RNLS: variants seen among roughly 807,000 people sequenced by gnomAD.
The protein encoded by RNLS is renalase.
RNLS carries 39 observed loss-of-function variants against 39.8 expected under a neutral mutation model. The ratio of observed to expected loss-of-function variants is 0.98; its 90% confidence interval spans 0.76 to 1.28. The LOEUF is 1.28. RNLS is among the 50% of genes most tolerant of loss of function. RNLS has a pLI of 0.00. For missense variants in RNLS, 410 were observed against 413.3 expected, an observed-to-expected ratio of 0.99 and a Z score of 0.07; for synonymous variants, 147 against 150.7, an observed-to-expected ratio of 0.98 and a Z score of 0.18.
At chr10:88,432,821 A>G (rs940325662) in intron 4 of RNLS, among the ~76,000 whole-genome samples, 4 of 152,138 alleles carry the variant, frequency 2.6e-5, no homozygotes, top group African/African-American at 7.2e-5. Flanking sequence ...GCAATTAACA[A>G]TCTCTTAAAT....
intron 4 of RNLS, among the ~76,000 whole-genome samples, chr10:88,514,827 C>T (rs1846320904): frequency 6.6e-6 from 1 of 152,052 alleles, no homozygotes. Context: ...GTGAAAAACA[C>T]TGCAATAAAC....
chr10:88,581,267 G>T (rs1237825642), intron 3 of RNLS, among the ~76,000 whole-genome samples: 6 of 139,810 alleles, frequency 4.3e-5, no homozygotes, highest in Non-Finnish European at 1.5e-5. Context: ...TAAATATAAA[G>T]AAATATATAT....
intron 4 of RNLS, among the ~76,000 whole-genome samples, chr10:88,543,812 T>C (rs1848164087): frequency 1.3e-5 from 2 of 152,158 alleles, no homozygotes; most frequent in Admixed American, 6.5e-5. Flanking sequence ...GTAAAATAGG[T>C]CTTGAGATTT....
intron 4 of RNLS, among the ~76,000 whole-genome samples, chr10:88,404,303 T>C (rs545688147): frequency 6.6e-6 from 1 of 152,072 alleles, no homozygotes; most frequent in East Asian, 1.9e-4. Flanking sequence ...CTGCCTCTGT[T>C]CCCAAGAATC....
At chr10:88,534,387 G>A (rs1461169566) in intron 4 of RNLS, among the ~76,000 whole-genome samples, 5 of 151,944 alleles carry the variant, frequency 3.3e-5, no homozygotes, top group Admixed American at 6.6e-5. Context: ...AGACAGCAGA[G>A]GCTTGAAATA....
chr10:88,290,003 T>G (rs79745065), intron 6 of RNLS, among the ~76,000 whole-genome samples: 1 of 152,176 alleles, frequency 6.6e-6, no homozygotes, highest in Non-Finnish European at 1.5e-5. Flanking sequence ...TTCAGCCTAA[T>G]AGTTTCTTTG....
At chr10:88,571,251 G>A (rs1205661961) in intron 4 of RNLS, among the ~76,000 whole-genome samples, 1 of 151,626 alleles carries the variant, frequency 6.6e-6, no homozygotes, top group Admixed American at 6.6e-5. Context: ...CAAAGTGCTG[G>A]GATTATAGGC....
chr10:88,355,223 C>T (rs1424366039), intron 5 of RNLS, among the ~76,000 whole-genome samples: 1 of 152,224 alleles, frequency 6.6e-6, no homozygotes, highest in African/African-American at 2.4e-5. Context: ...TTGTCAAAGT[C>T]ATTCTCTGTC....
chr10:88,308,503 T>A (rs1845106028), intron 6 of RNLS, among the ~76,000 whole-genome samples: 1 of 151,460 alleles, frequency 6.6e-6, no homozygotes. Flanking sequence ...AAAGCAGACA[T>A]ACATATGGCC....
intron 4 of RNLS, among the ~76,000 whole-genome samples, chr10:88,501,574 C>T (rs1845486077): frequency 6.6e-6 from 1 of 152,038 alleles, no homozygotes; most frequent in Admixed American, 6.6e-5. Context: ...CCCATTGCAC[C>T]CCTGAGTTCC....
At chr10:88,366,606 T>C (rs1850118642) in intron 4 of RNLS, among the ~76,000 whole-genome samples, 1 of 121,456 alleles carries the variant, frequency 8.2e-6, no homozygotes, top group South Asian at 2.6e-4. Flanking sequence ...AACCAAAACC[T>C]AAGCTGTTTA....
chr10:88,424,333 G>A (rs571870338), intron 4 of RNLS, among the ~76,000 whole-genome samples: 110 of 152,270 alleles, frequency 7.2e-4, no homozygotes, highest in African/African-American at 2.5e-3. Flanking sequence ...ACTGGATGAA[G>A]CAAGGAAAAA....
At chr10:88,343,624 G>A (rs376169060) in intron 5 of RNLS, 20 of 984,952 alleles carry the variant, frequency 2.0e-5, no homozygotes, top group Middle Eastern at 5.2e-4. Context: ...CCTTGTATTC[G>A]TTCCTTTAAA....
chr10:88,485,655 A>C (rs1300492689), intron 4 of RNLS, among the ~76,000 whole-genome samples: 2 of 151,724 alleles, frequency 1.3e-5, no homozygotes, highest in Non-Finnish European at 3.0e-5. Flanking sequence ...AAAAAAAAAA[A>C]AAAAACGAAT....
At chr10:88,463,334 C>T (rs1338167663) in intron 4 of RNLS, among the ~76,000 whole-genome samples, 2 of 151,978 alleles carry the variant, frequency 1.3e-5, no homozygotes, top group Admixed American at 1.3e-4. Context: ...CTTCTACAAG[C>T]CAAAGAATGC....
the RNLS span, among the ~76,000 whole-genome samples, chr10:88,184,992 T>C: frequency 6.6e-6 from 1 of 152,094 alleles, no homozygotes; most frequent in Non-Finnish European, 1.5e-5. Flanking sequence ...CTTAAGGCAA[T>C]TGAGATAAAG....
the RNLS span, among the ~76,000 whole-genome samples, chr10:88,229,249 T>C: frequency 6.6e-6 from 1 of 152,278 alleles, no homozygotes; most frequent in Non-Finnish European, 1.5e-5. Flanking sequence ...TAAAGAAATG[T>C]ATTATCTCAA....
At chr10:88,568,488 T>C (rs1838273040) in intron 4 of RNLS, among the ~76,000 whole-genome samples, 1 of 152,142 alleles carries the variant, frequency 6.6e-6, no homozygotes, top group Non-Finnish European at 1.5e-5. Flanking sequence ...ATGTGACTTA[T>C]AATCTTAAAG....
intron 4 of RNLS, among the ~76,000 whole-genome samples, chr10:88,474,695 T>C (rs1413198586): frequency 2.0e-5 from 3 of 152,206 alleles, no homozygotes; most frequent in Admixed American, 6.5e-5. Context: ...TGTCTCTGTG[T>C]AGCAAATTGC....
Sources: gnomAD v4.1 joint callset for allele counts (sites outside exome capture counted in the v4.1 genomes callset) on GRCh38, gnomAD v4.1.1 for gene constraint, MANE v1.5 for transcripts, NCBI Gene and HGNC (gene_info 2026-07-23, HGNC 2026-07-21) for gene names.